ARID1A: variants seen among roughly 807,000 people sequenced by gnomAD.
ARID1A encodes AT-rich interactive domain-containing protein 1A.
A neutral mutation model predicts 212.6 loss-of-function variants in ARID1A; 20 were observed. That is an observed-to-expected ratio of 0.09 (90% CI 0.07 to 0.14). The LOEUF (loss-of-function observed/expected upper bound fraction) is 0.14, where lower values mean the gene tolerates loss of function less well. Ranked by LOEUF, ARID1A falls within the 10% of genes least tolerant of loss-of-function variation. The pLI is 1.00. For synonymous variants in ARID1A, 1,376 were observed against 1,222.1 expected (o/e 1.13, Z -2.63); for missense variants, 2,587 against 3,059.0 (o/e 0.85, Z 3.64).
intron 4 of ARID1A, among the ~76,000 whole-genome samples, chr1:26,754,710 G>T (rs1339720446): frequency 6.6e-6 from 1 of 152,204 alleles, no homozygotes; most frequent in African/African-American, 2.4e-5. Context: ...GAGAGAGAAA[G>T]CCAGCATGGC....
At chr1:26,745,940 A>G (rs2080831944) in intron 4 of ARID1A, among the ~76,000 whole-genome samples, 4 of 152,166 alleles carry the variant, frequency 2.6e-5, no homozygotes. Flanking sequence ...AATCCCAGCT[A>G]CTTGGGAGGC....
At chr1:26,714,928 G>A (rs879640193) in intron 1 of ARID1A, among the ~76,000 whole-genome samples, 11 of 152,174 alleles carry the variant, frequency 7.2e-5, no homozygotes, top group Non-Finnish European at 1.3e-4. Flanking sequence ...TTGGATTGAT[G>A]TACAAGCATG....
At chr1:26,727,124 A>G (rs1279521700) in intron 1 of ARID1A, among the ~76,000 whole-genome samples, 1 of 152,244 alleles carries the variant, frequency 6.6e-6, no homozygotes, top group Admixed American at 6.5e-5. Context: ...GCTACCATTT[A>G]TTGGACATTT....
intron 4 of ARID1A, among the ~76,000 whole-genome samples, chr1:26,737,255 T>TACA (rs2080742890): frequency 6.6e-6 from 1 of 152,128 alleles, no homozygotes; most frequent in Non-Finnish European, 1.5e-5. Flanking sequence ...TAGCTGGGAC[T>TACA]ACAGGTGTGA....
rs2124122257 is a variant in ARID1A at position 26,775,001 on chromosome 1, C to T, written c.4774C>T (p.Pro1592Ser). 6.4e-7 allele frequency: 1 copy of T among 1,568,434 alleles called. No individual in the cohort carries two copies. Among genetic ancestry groups the T allele is most frequent in the South Asian group, 1.2e-5 (1 of 83,948 alleles). Residue 1592 changes from proline to serine, a missense_variant, in exon 18 of 20, where the codon CCC becomes TCC. By Grantham distance (74) the Pro-to-Ser change is moderately conservative. Transcript: ENST00000324856. Reference protein sequence around the residue: ...IPQVSSPAPLPRPMENRTSPS... With the variant: ...IPQVSSPAPLSRPMENRTSPS... ...TCAGGTATCCAGCCCTGCTCCCCTG[C>T]CCCGGCCAATGGAGAACCGCACCTC...
At position 26,774,015 on chromosome 1, in the gene ARID1A, T is replaced by C. The variant is rs2081110605; in HGVS notation, c.4101+117T>C. The stretch of plus-strand genomic sequence containing the variant: ...CACTTTAGATATTTTGGCATTCTTC[T>C]CTCACCTGACTGGCCAGTCCTGCCT... On this transcript the variant is annotated intron_variant, in intron 17 of 19. Coordinates refer to ENST00000324856, the MANE Select transcript of ARID1A (RefSeq NM_006015.6). The surrounding 1 kb of genome is among the most constrained non-coding windows in gnomAD (Gnocchi z 5.6). 3 of 1,356,658 alleles carry C rather than the reference T, an allele frequency of 2.2e-6. No homozygotes were observed. Among genetic ancestry groups the C allele is most frequent in the African/African-American group, 2.9e-5 (2 of 69,422 alleles). 84.0% of individuals were successfully genotyped at this position (1,356,658 alleles called of 1,614,324 possible).
At chr1:26,701,822 A>G (rs2080334258) in intron 1 of ARID1A, among the ~76,000 whole-genome samples, 1 of 152,214 alleles carries the variant, frequency 6.6e-6, no homozygotes, top group South Asian at 2.1e-4. Context: ...TTTTACAGAA[A>G]AAGCTCTACC....
In ARID1A at chr1:26,781,456, G is replaced by GGA. The variant is rs2081194525; in HGVS notation, c.*703_*704dup. 4 of 231,932 alleles carry GGA rather than the reference G, an allele frequency of 1.7e-5. No individual in the cohort carries two copies. The highest frequency in any genetic ancestry group is 1.8e-4 in the South Asian group (1 of 5,504). The allele number at this position is 231,932 out of a possible 1,614,324, so 14.4% of individuals were successfully genotyped here. Reference sequence around the variant, plus strand: ...AAAAATGTTTTTAGTTAAACGTTGAGGAGAAAAAAAAAAAAGGCTTTTCCC... The same window carrying GGA: ...AAAAATGTTTTTAGTTAAACGTTGAGGAGAGAAAAAAAAAAAAGGCTTTTCCC... On this transcript the variant is annotated 3_prime_UTR_variant, in exon 20 of 20. Coordinates refer to ENST00000324856, the MANE Select transcript of ARID1A (RefSeq NM_006015.6).
chr1:26,776,978 CAT>C (rs1482682622), intron 19 of ARID1A, among the ~76,000 whole-genome samples: 5 of 152,324 alleles, frequency 3.3e-5, no homozygotes, highest in African/African-American at 1.2e-4. Flanking sequence ...GAGCAATTTT[CAT>C]ATGCCAGGTA....
intron 11 of ARID1A, among the ~76,000 whole-genome samples, chr1:26,768,952 A>G (rs947350257): frequency 3.3e-5 from 5 of 152,354 alleles, no homozygotes; most frequent in Non-Finnish European, 4.4e-5. Context: ...CAGAAAAGAA[A>G]GTGGTTGGAA....
At chr1:26,707,918 C>G (rs1318763146) in intron 1 of ARID1A, among the ~76,000 whole-genome samples, 2 of 152,152 alleles carry the variant, frequency 1.3e-5, no homozygotes, top group Non-Finnish European at 2.9e-5. Context: ...ATCTAAAATA[C>G]TAACTTTGCT....
intron 1 of ARID1A, among the ~76,000 whole-genome samples, chr1:26,700,474 AGTG>A (rs2080321597): frequency 6.6e-6 from 1 of 152,226 alleles, no homozygotes; most frequent in Non-Finnish European, 1.5e-5. Flanking sequence ...TTTCATAAGT[AGTG>A]TATCTCAAGT....
chr1:26,734,389 A>G (rs998901027), intron 4 of ARID1A, among the ~76,000 whole-genome samples: 10 of 141,332 alleles, frequency 7.1e-5, no homozygotes, highest in African/African-American at 2.4e-4. Flanking sequence ...GTATCCAGAG[A>G]TGCTACATGC....
Position 26,697,462 on chromosome 1 carries a change from C to T in ARID1A, c.1059C>T (p.Ala353=), listed in dbSNP as rs1240124175. The change falls in exon 1 of 20, where the codon GCC becomes GCT. Residue 353 remains alanine, a synonymous_variant. Coordinates refer to ENST00000324856, the MANE Select transcript of ARID1A (RefSeq NM_006015.6). The part of the protein sequence containing the change: ...AAAAAAASGG[A]QQRSHHAPMS... ...CGGCGGCGGCCGCCTCGGGAGGGGC[C>T]CAACAAAGGAGCCACCACGCGCCCA... 9 of 1,383,942 alleles carry T rather than the reference C, an allele frequency of 6.5e-6. No individual in the cohort carries two copies. Among genetic ancestry groups the T allele is most frequent in the Non-Finnish European group, 6.5e-6 (7 of 1,078,358 alleles). The allele number at this position is 1,383,942 out of a possible 1,614,324, so 85.7% of individuals were successfully genotyped here. A position where few individuals can be genotyped will look rare whatever the true frequency, so the allele number is the denominator to read the frequency against.
At chr1:26,699,587 A>G (rs986209755) in intron 1 of ARID1A, among the ~76,000 whole-genome samples, 1 of 152,196 alleles carries the variant, frequency 6.6e-6, no homozygotes, top group South Asian at 2.1e-4. Flanking sequence ...GCATCTGGAC[A>G]AGAAATAGGG....
intron 1 of ARID1A, among the ~76,000 whole-genome samples, chr1:26,703,133 A>C (rs2080346943): frequency 6.6e-6 from 1 of 152,200 alleles, no homozygotes; most frequent in African/African-American, 2.4e-5. Context: ...TGTATCACTT[A>C]TGATAAAATT....
At position 26,763,283 on chromosome 1, in the gene ARID1A, C is replaced by T. The variant is rs777687588; in HGVS notation, c.2730C>T (p.Asn910=). Residue 910 remains asparagine, a splice_region_variant and synonymous_variant, in exon 8 of 20, where the codon AAC becomes AAT. Coordinates refer to ENST00000324856, the MANE Select transcript of ARID1A (RefSeq NM_006015.6). ...AMHVAANSIQ[N]RPPGYPNMNQ... ...ATGTTGCTGCCAACTCTATCCAAAA[C>T]AGGTAAGGCCTGGGAAGCAGAGAGG... The T allele has an allele frequency of 3.1e-6, 5 of 1,596,786 alleles. No individual in the cohort carries two copies. The African/African-American group carries it at 5.4e-5, about 17-fold the overall frequency.
At chr1:26,778,824 G>A in intron 19 of ARID1A, 199 bp from the exon 20 acceptor site, 1 of 487,340 alleles carries the variant, frequency 2.1e-6, no homozygotes, top group Non-Finnish European at 3.5e-6. Context: ...GTGAAGGTAG[G>A]TTGGGCAGAA....
At chr1:26,749,031 G>A (rs1321559839) in intron 4 of ARID1A, among the ~76,000 whole-genome samples, 1 of 152,060 alleles carries the variant, frequency 6.6e-6, no homozygotes, top group Non-Finnish European at 1.5e-5. Flanking sequence ...TGGGCATGGT[G>A]GCGGGCACCT....
Sources: gnomAD v4.1 joint callset for allele counts (sites outside exome capture counted in the v4.1 genomes callset) on GRCh38, gnomAD v4.1.1 for gene constraint, Gnocchi (gnomAD v3.1) non-coding constraint, MANE v1.5 for transcripts, NCBI Gene and HGNC (gene_info 2026-07-23, HGNC 2026-07-21) for gene names.